Variants in THSD7A observed in about 807,000 individuals in gnomAD.
The protein encoded by THSD7A is thrombospondin type 1 domain containing 7A.
THSD7A carries 96 observed loss-of-function variants against 231.3 expected under a neutral mutation model. The ratio of observed to expected loss-of-function variants is 0.41; its 90% confidence interval spans 0.35 to 0.49. The LOEUF (loss-of-function observed/expected upper bound fraction) is 0.49. Among genes scored for constraint, THSD7A ranks in the 20% least tolerant of loss-of-function variants. THSD7A has a pLI of 0.05. For synonymous variants in THSD7A, 940 were observed against 743.3 expected, an observed-to-expected ratio of 1.26 and a Z score of -4.30; for missense variants, 2,290 against 2,070.2, an observed-to-expected ratio of 1.11 and a Z score of -2.06.
intron 1 of THSD7A, among the ~76,000 whole-genome samples, chr7:11,770,300 C>G (rs1437027776): frequency 6.6e-6 from 1 of 151,870 alleles, no homozygotes; most frequent in African/African-American, 2.4e-5. Context: ...ATTTAGTTTG[C>G]TAATAGAAAA....
At chr7:11,507,201 A>G (rs929268637) in intron 6 of THSD7A, among the ~76,000 whole-genome samples, 2 of 152,332 alleles carry the variant, frequency 1.3e-5, no homozygotes, top group African/African-American at 4.8e-5. Flanking sequence ...TATGAAGAAC[A>G]AGTCAAAGAC....
At chr7:11,435,670 A>G (rs1407319092) in intron 13 of THSD7A, among the ~76,000 whole-genome samples, 1 of 151,824 alleles carries the variant, frequency 6.6e-6, no homozygotes, top group Non-Finnish European at 1.5e-5. Context: ...CCCTCACCTC[A>G]GCTACCTGTC....
intron 4 of THSD7A, among the ~76,000 whole-genome samples, chr7:11,550,672 TTTC>T (rs1789592114): frequency 6.6e-6 from 1 of 152,188 alleles, no homozygotes; most frequent in Non-Finnish European, 1.5e-5. Context: ...TTAAACCTCA[TTTC>T]TTTAAAAATT....
At chr7:11,587,090 C>A (rs1279918101) in intron 4 of THSD7A, among the ~76,000 whole-genome samples, 1 of 152,160 alleles carries the variant, frequency 6.6e-6, no homozygotes, top group Non-Finnish European at 1.5e-5. Flanking sequence ...GGAAGAATTT[C>A]TTGAGTTACT....
chr7:11,670,728 CAA>C (rs1440460017), intron 1 of THSD7A, among the ~76,000 whole-genome samples: 2 of 152,130 alleles, frequency 1.3e-5, no homozygotes, highest in East Asian at 3.9e-4. Flanking sequence ...GCACATATTT[CAA>C]AGTCTCTATT....
chr7:11,393,505 A>C (rs1783065081), intron 23 of THSD7A, among the ~76,000 whole-genome samples: 1 of 152,230 alleles, frequency 6.6e-6, no homozygotes, highest in South Asian at 2.1e-4. Flanking sequence ...CTGGATGAAG[A>C]ATCATTTTGA....
intron 4 of THSD7A, among the ~76,000 whole-genome samples, chr7:11,552,728 G>A (rs1183084330): frequency 1.3e-5 from 2 of 152,046 alleles, no homozygotes; most frequent in African/African-American, 4.8e-5. Context: ...ACCTTCCCTT[G>A]TCTTTATGAG....
At chr7:11,830,181 G>T (rs1785152934) in intron 1 of THSD7A, among the ~76,000 whole-genome samples, 1 of 152,160 alleles carries the variant, frequency 6.6e-6, no homozygotes. Context: ...TTCCTACCAT[G>T]ACATTTATGA....
At chr7:11,493,347 G>A (rs747466239) in intron 6 of THSD7A, among the ~76,000 whole-genome samples, 10 of 152,064 alleles carry the variant, frequency 6.6e-5, no homozygotes, top group Admixed American at 3.3e-4. Flanking sequence ...AAAGAACAAC[G>A]AGAACAAAGA....
At chr7:11,605,563 T>G (rs916631851) in intron 2 of THSD7A, among the ~76,000 whole-genome samples, 2 of 152,106 alleles carry the variant, frequency 1.3e-5, no homozygotes, top group African/African-American at 4.8e-5. Context: ...AAGATCCACA[T>G]GCACAATAAA....
chr7:11,630,784 T>C (rs1204477397), intron 2 of THSD7A, among the ~76,000 whole-genome samples: 1 of 152,240 alleles, frequency 6.6e-6, no homozygotes, highest in African/African-American at 2.4e-5. Flanking sequence ...CATTAAATGT[T>C]TCTAGTATTA....
chr7:11,690,636 C>T (rs1780204371), intron 1 of THSD7A, among the ~76,000 whole-genome samples: 1 of 151,722 alleles, frequency 6.6e-6, no homozygotes, highest in South Asian at 2.1e-4. Flanking sequence ...TCTCAATTCA[C>T]CTTGAGCCCT....
rs1410632491 is a variant in THSD7A, at chr7:11,379,296, A to C, written c.4591-16T>G. ...ATGTTTTTGTCTGCAGGAGAACAAG[A>C]AGATTTATACTAGCCATGCAAGGAA... On this transcript the variant is annotated splice_polypyrimidine_tract_variant and intron_variant, in intron 25 of 27. Transcript: ENST00000423059. 1.9e-6 allele frequency: 3 copies of C among 1,612,506 alleles called. No homozygotes were observed. Among genetic ancestry groups the C allele is most frequent in the Non-Finnish European group, 2.5e-6 (3 of 1,178,708 alleles).
intron 16 of THSD7A, among the ~76,000 whole-genome samples, chr7:11,422,259 T>C (rs1784170056): frequency 6.6e-6 from 1 of 152,220 alleles, no homozygotes; most frequent in Admixed American, 6.5e-5. Flanking sequence ...AAACCACTTC[T>C]ACCACCACTC....
intron 1 of THSD7A, among the ~76,000 whole-genome samples, chr7:11,733,788 C>T (rs889018304): frequency 6.6e-6 from 1 of 152,012 alleles, no homozygotes; most frequent in African/African-American, 2.4e-5. Flanking sequence ...GTGGTTTCTT[C>T]TCATAGTAAC....
chr7:11,429,819 C>T (rs946351076), intron 13 of THSD7A, among the ~76,000 whole-genome samples: 10 of 152,164 alleles, frequency 6.6e-5, no homozygotes, highest in African/African-American at 2.4e-4. Context: ...CAAGGTTACA[C>T]AGTAAGAGAC....
chr7:11,549,743 G>C (rs1018017892), intron 4 of THSD7A, among the ~76,000 whole-genome samples: 1 of 151,590 alleles, frequency 6.6e-6, no homozygotes, highest in Non-Finnish European at 1.5e-5. Context: ...CACAGGGAGG[G>C]GAACAACATA....
chr7:11,501,811 A>T (rs1385507210), intron 6 of THSD7A, among the ~76,000 whole-genome samples: 2 of 152,192 alleles, frequency 1.3e-5, no homozygotes, highest in Non-Finnish European at 2.9e-5. Context: ...ATTAAGACAC[A>T]AAAAAACATT....
At chr7:11,714,689 T>A (rs1165912612) in intron 1 of THSD7A, among the ~76,000 whole-genome samples, 3 of 151,356 alleles carry the variant, frequency 2.0e-5, no homozygotes, top group African/African-American at 7.3e-5. Flanking sequence ...TTTCCAAAAT[T>A]ATAGTCAAAC....
Sources: gnomAD v4.1 joint callset for allele counts (sites outside exome capture counted in the v4.1 genomes callset) on GRCh38, gnomAD v4.1.1 for gene constraint, MANE v1.5 for transcripts, NCBI Gene and HGNC (gene_info 2026-07-23, HGNC 2026-07-21) for gene names.